TRAPPC4: variants seen among roughly 807,000 people sequenced by gnomAD.
The protein encoded by TRAPPC4 is trafficking protein particle complex subunit 4, also known as TRS23 homolog.
Under a neutral mutation model 23.5 loss-of-function variants are expected in TRAPPC4, and 30 were observed. The observed-to-expected ratio is 1.28, with a 90% CI of 0.96 to 1.73. TRAPPC4 has a LOEUF of 1.73. Among genes scored for constraint, TRAPPC4 ranks in the 40% most tolerant of loss-of-function variants. The probability of loss-of-function intolerance (pLI) is 0.00; values close to 1 mark genes in which losing one functional copy is unlikely to be tolerated. For missense variants in TRAPPC4, 252 were observed against 268.9 expected (o/e 0.94, Z 0.44); for synonymous variants, 129 against 105.3 (o/e 1.23, Z -1.38).
At chr11:119,020,703 CTTTTTTT>C in intron 3 of TRAPPC4, 1 of 112,786 alleles carries the variant, frequency 8.9e-6, no homozygotes, top group Non-Finnish European at 1.8e-5. Flanking sequence ...ACCCACAGTT[CTTTTTTT>C]TTTTTTTTTT....
In TRAPPC4 at chr11:119,018,826, A is replaced by C; in HGVS notation, c.31A>C (p.Lys11Gln). The change falls in exon 1 of 5, where the codon AAA becomes CAA. Residue 11 changes from lysine (K) to glutamine (Q), a missense_variant. By Grantham distance (53) the Lys-to-Gln change is moderately conservative. Around this residue, in one of 3 missense-constraint regions of TRAPPC4, gnomAD observed 222 missense variants for 217.8 expected, o/e 1.02. Coordinates refer to ENST00000533632, the MANE Select transcript of TRAPPC4 (RefSeq NM_016146.6). MAIFSVYVVN[K>Q]AGGLIYQLDS... ...GATTTTTAGTGTGTATGTGGTGAAC[A>C]AAGCTGGCGGCTTGATTTACCAGTT... is the stretch of plus-strand genomic sequence containing the variant. The C allele has an allele frequency of 6.2e-7, 1 of 1,614,234 alleles. No individual in the cohort carries two copies.
rs887498164 is a variant in TRAPPC4 at position 119,023,469 on chromosome 11, T to C, written c.*70T>C. Reference sequence around the variant, plus strand: ...AAGAATACTGCTGTTGACACTCCAGTGGAAATCCCAGCAGCCTTGTTAGTG... The same window carrying C: ...AAGAATACTGCTGTTGACACTCCAGCGGAAATCCCAGCAGCCTTGTTAGTG... On this transcript the variant is annotated 3_prime_UTR_variant, in exon 5 of 5. Transcript: ENST00000533632. 3 of 1,467,892 alleles carry C rather than the reference T, an allele frequency of 2.0e-6. No individual in the cohort carries two copies. The highest frequency in any genetic ancestry group is 1.4e-5 in the African/African-American group (1 of 71,852). The allele number at this position is 1,467,892 out of a possible 1,614,324, so 90.9% of individuals were successfully genotyped here.
At chr11:119,022,760 G>A (rs1276819965) in intron 4 of TRAPPC4, among the ~76,000 whole-genome samples, 1 of 145,854 alleles carries the variant, frequency 6.9e-6, no homozygotes, top group East Asian at 2.1e-4. Context: ...TTAGCCAGGT[G>A]TGGTCGTGTG....
At chr11:119,020,429 C>CTT (rs199734981) in intron 3 of TRAPPC4, 176 bp downstream of exon 3, 223 of 359,772 alleles carry the variant, frequency 6.2e-4, no homozygotes, top group Admixed American at 1.9e-3. Flanking sequence ...TGGCACAATT[C>CTT]TTTTTTTTTT....
chr11:119,019,075 G>A, intron 1 of TRAPPC4, 68 bp from the exon 2 acceptor site: 1 of 1,591,962 alleles, frequency 6.3e-7, no homozygotes. Context: ...GGGTTGTGTC[G>A]GGTCCCTTGT....
chr11:119,019,135 CTCTGCAGTGGG>C lies in TRAPPC4; in HGVS notation c.176-5_181del. On this transcript the variant is annotated splice_acceptor_variant and splice_polypyrimidine_tract_variant and coding_sequence_variant and intron_variant, in exon 2 of 5. Transcript: ENST00000533632. LOFTEE classifies it high-confidence loss of function. ...CACCTTCGCTGACCGTTAGCTTCACCTCTGCAGTGGGTCATGCAGTGCTGGCCATCAATGGC... is the reference window on the plus strand; with the variant it reads ...CACCTTCGCTGACCGTTAGCTTCACCTCATGCAGTGCTGGCCATCAATGGC... 1 of 1,613,308 alleles carries C rather than the reference CTCTGCAGTGGG, an allele frequency of 6.2e-7. No homozygotes were observed. The highest frequency in any genetic ancestry group is 1.7e-5 in the Admixed American group (1 of 59,992).
chr11:119,024,116 C>T lies in TRAPPC4; in HGVS notation c.*717C>T, dbSNP rs1277622311. On this transcript the variant is annotated 3_prime_UTR_variant, in exon 5 of 5. Transcript: ENST00000533632. ...AGTAAACCACTGTTACACTTCTTCC[C>T]TCCATCAAGTTATTTAATCTGTCCA... 6.5e-6 allele frequency: 1 copy of T among 152,956 alleles called. No homozygotes were observed. The highest frequency in any genetic ancestry group is 2.4e-5 in the African/African-American group (1 of 41,442). The allele number at this position is 152,956 out of a possible 1,614,324, so 9.5% of individuals were successfully genotyped here. A position where few individuals can be genotyped will look rare whatever the true frequency, so the allele number is the denominator to read the frequency against.
At chr11:119,022,243 C>T (rs1592101385) in intron 4 of TRAPPC4, among the ~76,000 whole-genome samples, 1 of 152,308 alleles carries the variant, frequency 6.6e-6, no homozygotes, top group African/African-American at 2.4e-5. Context: ...CTTGGCCTCC[C>T]ACAGTGCTGG....
At chr11:119,019,447 C>G in intron 2 of TRAPPC4, 130 bp downstream of exon 2, 2 of 1,052,390 alleles carry the variant, frequency 1.9e-6, no homozygotes, top group Non-Finnish European at 2.7e-6. Flanking sequence ...GTGGTGTCAT[C>G]TTTTTTTGCT....
At chr11:119,021,909 T>A (rs889894433) in intron 4 of TRAPPC4, 23 bp downstream of exon 4, 1 of 1,613,660 alleles carries the variant, frequency 6.2e-7, no homozygotes, top group African/African-American at 1.3e-5. Context: ...ACTTCCCAGA[T>A]ACTGTTTAAA....
In TRAPPC4 at chr11:119,020,187, G is replaced by A. The variant is rs1471130518; in HGVS notation, c.388G>A (p.Gly130Arg). ...AIGSQLSPEQ[G>R]SSGIEMLETD... ...CGGCTCCCAGCTGTCTCCTGAACAG[G>A]GAAGCTCAGGCATTGAGATGCTGGA... is the stretch of plus-strand genomic sequence containing the variant. The change falls in exon 3 of 5, where the codon GGA becomes AGA. Residue 130 changes from glycine to arginine, a missense_variant. Transcript: ENST00000533632. 1 of 1,613,840 alleles carries A rather than the reference G, an allele frequency of 6.2e-7. No homozygotes were observed. The highest frequency in any genetic ancestry group is 8.5e-7 in the Non-Finnish European group (1 of 1,179,990).
chr11:119,023,255 C>G, intron 4 of TRAPPC4, 66 bp from the exon 5 acceptor site: 2 of 1,517,002 alleles, frequency 1.3e-6, no homozygotes, highest in Non-Finnish European at 1.8e-6. Flanking sequence ...AGCAGTTTCC[C>G]CTGGCTTAAG....
In TRAPPC4 at chr11:119,018,933, T is replaced by G; in HGVS notation, c.138T>G (p.Arg46=). 6.2e-7 allele frequency: 1 copy of G among 1,613,240 alleles called. No individual in the cohort carries two copies. The highest frequency in any genetic ancestry group is 8.5e-7 in the Non-Finnish European group (1 of 1,179,964). Reference sequence around the variant, plus strand: ...TGCTGCTCAAGCTACACGATGAGCGTGTGTTGGTTGCTTTCGGCCAGCGGG... The same window carrying G: ...TGCTGCTCAAGCTACACGATGAGCGGGTGTTGGTTGCTTTCGGCCAGCGGG... ...LDLLLKLHDE[R]VLVAFGQRDG... Residue 46 remains arginine, a synonymous_variant, in exon 1 of 5, where the codon CGT becomes CGG. Transcript: ENST00000533632.
rs139864805 is a variant in TRAPPC4 at position 119,019,201 on chromosome 11, C to A, written c.234C>A (p.Asp78Glu). 6.2e-7 allele frequency: 1 copy of A among 1,614,018 alleles called. No individual in the cohort carries two copies. Among genetic ancestry groups the A allele is most frequent in the Non-Finnish European group, 8.5e-7 (1 of 1,180,036 alleles). ...ACGTGAATGGCAGGTACACGGCCGA[C>A]GGGAAAGAGGTGCTGGAGTATCTGG... is the stretch of plus-strand genomic sequence containing the variant. ...GMDVNGRYTA[D>E]GKEVLEYLGN... Residue 78 changes from aspartate to glutamate, a missense_variant, in exon 2 of 5, where the codon GAC (aspartate) becomes GAA (glutamate). By Grantham distance (45) the Asp-to-Glu change is conservative (BLOSUM62 2). This residue lies in a region of TRAPPC4 where 222 missense variants were observed against 217.8 expected (regional missense o/e 1.02). Coordinates refer to ENST00000533632, the MANE Select transcript of TRAPPC4 (RefSeq NM_016146.6).
Position 119,020,245 on chromosome 11 carries a change from C to G in TRAPPC4, c.446C>G (p.Thr149Arg). Residue 149 changes from threonine to arginine, a missense_variant, in exon 3 of 5, where the codon ACA becomes AGA. Coordinates refer to ENST00000533632, the MANE Select transcript of TRAPPC4 (RefSeq NM_016146.6). ...TDTFKLHCYQ[T>R]LTGIKFVVLA... The stretch of plus-strand genomic sequence containing the variant: ...ACATTCAAATTGCACTGCTACCAGA[C>G]ACTGACAGGTATGCATCTCCACGGA... The G allele has an allele frequency of 1.2e-6, 2 of 1,612,274 alleles. No homozygotes were observed. The highest frequency in any genetic ancestry group is 8.5e-7 in the Non-Finnish European group (1 of 1,179,126).
chr11:119,023,247 C>T lies in TRAPPC4; in HGVS notation c.582-74C>T, dbSNP rs548635116. The T allele has an allele frequency of 3.5e-6, 5 of 1,422,094 alleles. No homozygotes were observed. The African/African-American group carries it at 4.2e-5, about 12-fold the overall frequency. 88.1% of individuals were successfully genotyped at this position (1,422,094 alleles called of 1,614,324 possible). A position where few individuals can be genotyped will look rare whatever the true frequency, so the allele number is the denominator to read the frequency against. ...TCCATGATATATGTTGTTCTTCAAG[C>T]AGTTTCCCCTGGCTTAAGTGGGGAG... On this transcript the variant is annotated intron_variant, in intron 4 of 4. Transcript: ENST00000533632.
rs1268543813 is a variant in TRAPPC4, at chr11:119,018,923, A to C, written c.128A>C (p.His43Pro). The change falls in exon 1 of 5, where the codon CAC (histidine) becomes CCC (proline). Residue 43 changes from histidine (H) to proline (P), a missense_variant. Transcript: ENST00000533632. ...SYPLDLLLKL[H>P]DERVLVAFGQ... ...CCGCTGGATCTGCTGCTCAAGCTAC[A>C]CGATGAGCGTGTGTTGGTTGCTTTC... 1 of 1,613,766 alleles carries C rather than the reference A, an allele frequency of 6.2e-7. No individual in the cohort carries two copies. Among genetic ancestry groups the C allele is most frequent in the South Asian group, 1.1e-5 (1 of 91,076 alleles).
At position 119,018,825 on chromosome 11, in the gene TRAPPC4, C is replaced by T. The variant is rs577576875; in HGVS notation, c.30C>T (p.Asn10=). The change falls in exon 1 of 5, where the codon AAC becomes AAT. Residue 10 remains asparagine, a synonymous_variant. Transcript: ENST00000533632. MAIFSVYVV[N]KAGGLIYQLD... ...CGATTTTTAGTGTGTATGTGGTGAA[C>T]AAAGCTGGCGGCTTGATTTACCAGT... 25 of 1,614,120 alleles carry T rather than the reference C, an allele frequency of 1.5e-5. No homozygotes were observed. Among genetic ancestry groups the T allele is most frequent in the Non-Finnish European group, 1.9e-5 (22 of 1,180,046 alleles).
At position 119,018,889 on chromosome 11, in the gene TRAPPC4, TTCAGTTA is replaced by T; in HGVS notation, c.97_103del (p.Ser33ArgfsTer37). On this transcript the variant is annotated frameshift_variant, in exon 1 of 5. Coordinates refer to ENST00000533632, the MANE Select transcript of TRAPPC4 (RefSeq NM_016146.6). LOFTEE classifies it high-confidence loss of function. ...GCCACGGGCTGAGGCTGAGAAAACT[TTCAGTTA>T]TCCGCTGGATCTGCTGCTCAAGCTA... 2.5e-6 allele frequency: 4 copies of T among 1,614,122 alleles called. No individual in the cohort carries two copies. The highest frequency in any genetic ancestry group is 3.4e-6 in the Non-Finnish European group (4 of 1,180,022).
Sources: gnomAD v4.1 joint callset for allele counts (sites outside exome capture counted in the v4.1 genomes callset) on GRCh38, gnomAD v4.1.1 for gene constraint, gnomAD v4.1.1 regional missense constraint, MANE v1.5 for transcripts, NCBI Gene and HGNC (gene_info 2026-07-23, HGNC 2026-07-21) for gene names.